Variants in ZNF385D observed in about 807,000 individuals in gnomAD.
The protein encoded by ZNF385D is zinc finger protein 385D, also known as zinc finger protein 659.
In ZNF385D, 15 loss-of-function variants were observed where a neutral mutation model predicts 35.8. That is an observed-to-expected ratio of 0.42 (90% confidence interval 0.28 to 0.64). ZNF385D has a LOEUF of 0.64. ZNF385D is among the 30% of genes least tolerant of loss of function. ZNF385D has a pLI of 0.23. For missense variants in ZNF385D, 474 were observed against 494.6 expected (o/e 0.96, Z 0.39); for synonymous variants, 212 against 186.8 (o/e 1.13, Z -1.10).
chr3:21,977,334 A>C (rs1170556200), intron 3 of ZNF385D, among the ~76,000 whole-genome samples: 1 of 152,214 alleles, frequency 6.6e-6, no homozygotes, highest in African/African-American at 2.4e-5. Flanking sequence ...TTAACAAAAA[A>C]AAATTTGTTT....
chr3:21,762,060 G>A (rs1176200517), intron 3 of ZNF385D, among the ~76,000 whole-genome samples: 1 of 151,524 alleles, frequency 6.6e-6, no homozygotes, highest in African/African-American at 2.4e-5. Context: ...TATATTTTTA[G>A]TAGAGACAGG....
chr3:21,617,749 T>C (rs187922558), intron 2 of ZNF385D, among the ~76,000 whole-genome samples: 1 of 152,248 alleles, frequency 6.6e-6, no homozygotes, highest in Admixed American at 6.5e-5. Flanking sequence ...TTTTATAAAG[T>C]ACTTAGTTCT....
intron 3 of ZNF385D, among the ~76,000 whole-genome samples, chr3:21,902,442 T>C (rs1307224062): frequency 6.6e-6 from 1 of 152,154 alleles, no homozygotes; most frequent in Non-Finnish European, 1.5e-5. Context: ...TGATCACCGG[T>C]ATCTTGGTAG....
chr3:22,096,791 C>T (rs192508808), intron 3 of ZNF385D, among the ~76,000 whole-genome samples: 2 of 152,132 alleles, frequency 1.3e-5, no homozygotes, highest in East Asian at 3.9e-4. Context: ...TTGATATCTG[C>T]GGAGTTTTAA....
intron 3 of ZNF385D, among the ~76,000 whole-genome samples, chr3:21,840,450 T>G (rs1695593602): frequency 1.3e-5 from 2 of 152,088 alleles, no homozygotes; most frequent in Non-Finnish European, 2.9e-5. Context: ...ATATCGACAT[T>G]GCACTCCTTC....
intron 3 of ZNF385D, among the ~76,000 whole-genome samples, chr3:21,798,679 A>G (rs2072262930): frequency 6.6e-6 from 1 of 152,150 alleles, no homozygotes; most frequent in Non-Finnish European, 1.5e-5. Flanking sequence ...CAGGGATGTG[A>G]CAGCTCATCA....
chr3:21,837,128 A>C (rs557753520), intron 3 of ZNF385D, among the ~76,000 whole-genome samples: 28 of 152,262 alleles, frequency 1.8e-4, no homozygotes, highest in African/African-American at 6.7e-4. Context: ...AAGCTAAGTG[A>C]AATTTTTTTT....
chr3:21,625,184 A>T (rs781258856), intron 2 of ZNF385D, among the ~76,000 whole-genome samples: 11 of 152,074 alleles, frequency 7.2e-5, no homozygotes, highest in Non-Finnish European at 1.2e-4. Flanking sequence ...AACTTTATAA[A>T]TAAGAAGCAA....
At chr3:22,190,346 G>A (rs1412093944) in intron 2 of ZNF385D, among the ~76,000 whole-genome samples, 1 of 152,140 alleles carries the variant, frequency 6.6e-6, no homozygotes, top group Non-Finnish European at 1.5e-5. Context: ...TGATGACAGT[G>A]CATTTACAAG....
intron 2 of ZNF385D, among the ~76,000 whole-genome samples, chr3:22,237,236 T>C (rs111284872): frequency 2.0e-5 from 3 of 152,172 alleles, no homozygotes; most frequent in Non-Finnish European, 4.4e-5. Flanking sequence ...TATAAAGTAA[T>C]ATTTTATAAT....
chr3:21,544,712 A>G (rs1399367235), intron 3 of ZNF385D, among the ~76,000 whole-genome samples: 1 of 152,228 alleles, frequency 6.6e-6, no homozygotes, highest in Non-Finnish European at 1.5e-5. Context: ...ATAAAGATTC[A>G]TGAAAGGTTT....
At chr3:21,466,109 A>G (rs780223924) in intron 4 of ZNF385D, among the ~76,000 whole-genome samples, 3 of 152,166 alleles carry the variant, frequency 2.0e-5, no homozygotes, top group Non-Finnish European at 4.4e-5. Flanking sequence ...TAGCCCTGCA[A>G]ATAATGTCTT....
chr3:22,069,271 G>A (rs983619419), intron 3 of ZNF385D, among the ~76,000 whole-genome samples: 1 of 152,116 alleles, frequency 6.6e-6, no homozygotes, highest in Admixed American at 6.6e-5. Context: ...CTTGGAACTG[G>A]CAAATGGTTC....
At chr3:21,745,433 T>C (rs1037459835) in intron 1 of ZNF385D, among the ~76,000 whole-genome samples, 1 of 152,194 alleles carries the variant, frequency 6.6e-6, no homozygotes, top group Non-Finnish European at 1.5e-5. Context: ...GGAGTTCATA[T>C]GCAATCAGGG....
intron 4 of ZNF385D, among the ~76,000 whole-genome samples, chr3:21,496,505 CATAT>C (rs570706326): frequency 3.2e-5 from 4 of 125,790 alleles, no homozygotes; most frequent in African/African-American, 1.2e-4. Context: ...ATATATATAT[CATAT>C]ATATATACAC....
At chr3:22,146,122 C>T (rs770916684) in intron 3 of ZNF385D, among the ~76,000 whole-genome samples, 11 of 152,020 alleles carry the variant, frequency 7.2e-5, no homozygotes, top group Non-Finnish European at 1.3e-4. Context: ...CTTCAGGAGT[C>T]ATGCAAACAT....
intron 3 of ZNF385D, among the ~76,000 whole-genome samples, chr3:21,846,275 T>C (rs567866822): frequency 2.6e-5 from 4 of 152,124 alleles, no homozygotes; most frequent in South Asian, 2.1e-4. Flanking sequence ...AAATATACTA[T>C]AGCTTTTCAC....
intron 3 of ZNF385D, among the ~76,000 whole-genome samples, chr3:21,927,511 G>T (rs1700788439): frequency 6.6e-6 from 1 of 152,100 alleles, no homozygotes; most frequent in Non-Finnish European, 1.5e-5. Context: ...TCACATCATG[G>T]AACAATACTC....
rs17009832 is a variant in ZNF385D at position 21,852,987 on chromosome 3, A to G, written c.326-187959T>C. Among the ~76,000 whole-genome samples the G allele has an allele frequency of 0.014, 2,104 of 151,990 alleles. 147 individuals are homozygous for G. In the East Asian group the frequency reaches 0.21, roughly 15 times the overall value. On this transcript the variant is annotated intron_variant, in intron 3 of 5. Transcript: ENST00000494108. ...TCCACTTGTTCCCTCCACACTAATA[A>G]AACATCCCTCTGGACCTATTTTTGA...
Sources: gnomAD v4.1 joint callset for allele counts (sites outside exome capture counted in the v4.1 genomes callset) on GRCh38, gnomAD v4.1.1 for gene constraint, MANE v1.5 for transcripts, NCBI Gene and HGNC (gene_info 2026-07-23, HGNC 2026-07-21) for gene names.